KCNJ1: variants seen among roughly 807,000 people sequenced by gnomAD.
KCNJ1 encodes the protein potassium inwardly rectifying channel subfamily J member 1.
A neutral mutation model predicts 21.9 loss-of-function variants in KCNJ1; 24 were observed. The observed-to-expected ratio is 1.10, with a 90% CI of 0.79 to 1.54. KCNJ1 has a LOEUF of 1.54. KCNJ1 is among the 40% of genes most tolerant of loss of function. KCNJ1 has a pLI of 0.00. For synonymous variants in KCNJ1, 152 were observed against 160.9 expected (o/e 0.94, Z 0.42); for missense variants, 457 against 455.4 (o/e 1.00, Z -0.03).
At chr11:128,862,009 G>T (rs1251673047) in intron 1 of KCNJ1, among the ~76,000 whole-genome samples, 7 of 152,128 alleles carry the variant, frequency 4.6e-5, no homozygotes, top group African/African-American at 1.7e-4. Flanking sequence ...AGTGGCCGTG[G>T]TCATCCGCGT....
chr11:128,859,544 C>T (rs1444463595), intron 1 of KCNJ1, among the ~76,000 whole-genome samples: 1 of 152,236 alleles, frequency 6.6e-6, no homozygotes, highest in African/African-American at 2.4e-5. Context: ...CCACCGCTCC[C>T]GGACAGAACC....
At chr11:128,842,626 A>AT (rs1943303810) in intron 2 of KCNJ1, 1 of 1,084,864 alleles carries the variant, frequency 9.2e-7, no homozygotes, top group African/African-American at 1.6e-5. Context: ...CTGAATAGGT[A>AT]TTTTTTCTTT....
chr11:128,854,870 GA>G (rs1310721196), intron 1 of KCNJ1, among the ~76,000 whole-genome samples: 7 of 152,196 alleles, frequency 4.6e-5, no homozygotes, highest in Admixed American at 4.6e-4. Context: ...TTTGGGGAAA[GA>G]AACTGAAGCC....
In KCNJ1 at chr11:128,839,446, G is replaced by A. The variant is rs139777470; in HGVS notation, c.798C>T (p.Thr266=). 3 of 1,614,020 alleles carry A rather than the reference G, an allele frequency of 1.9e-6. No individual in the cohort carries two copies. Among genetic ancestry groups the A allele is most frequent in the East Asian group, 2.2e-5 (1 of 44,898 alleles). Residue 266 remains threonine, a synonymous_variant, in exon 3 of 3, where the codon ACC becomes ACT. Transcript: ENST00000392666. ...CTAATTCAAAGTCCTGCTGGAGAAG[G>A]GTCTCCGCTGCCATGTGGAAGAAAG... ...NSPFFHMAAE[T]LLQQDFELVV...
intron 1 of KCNJ1, among the ~76,000 whole-genome samples, chr11:128,863,825 C>A (rs1156322485): frequency 4.6e-5 from 7 of 152,196 alleles, no homozygotes; most frequent in Middle Eastern, 3.4e-3. Flanking sequence ...TGGTTTCTTT[C>A]TGCTATTTTT....
In KCNJ1 at chr11:128,857,793, G is replaced by A. The variant is rs116140543; in HGVS notation, c.-191-6903C>T. 6.5e-3 allele frequency among the ~76,000 whole-genome samples: 986 copies of A among 152,280 alleles called. 8 individuals carry two copies. The highest frequency in any genetic ancestry group is 0.023 in the African/African-American group (954 of 41,544). On this transcript the variant is annotated intron_variant, in intron 1 of 2. Transcript: ENST00000392666. The stretch of plus-strand genomic sequence containing the variant: ...GTGCAATGGCTCAGGATGCACCTGG[G>A]AGCATTGTCCCCATCTTGTCTTTTT...
intron 2 of KCNJ1, chr11:128,842,456 T>A: frequency 6.2e-7 from 1 of 1,613,622 alleles, no homozygotes; most frequent in Non-Finnish European, 8.5e-7. Context: ...GTTGTTGGTC[T>A]TTCTATGCAG....
chr11:128,838,996 G>T lies in KCNJ1; in HGVS notation c.*129C>A, dbSNP rs938738579. On this transcript the variant is annotated 3_prime_UTR_variant, in exon 3 of 3. Transcript: ENST00000392666. ...GGGATCACAATTGCGGGGCTCAGGG[G>T]TCTTTGTGCTGGTAGACTTTGAAGG... 36 of 786,298 alleles carry T rather than the reference G, an allele frequency of 4.6e-5. No homozygotes were observed. The African/African-American group carries it at 5.0e-4, about 11-fold the overall frequency. 48.7% of individuals were successfully genotyped at this position (786,298 alleles called of 1,614,324 possible).
intron 1 of KCNJ1, among the ~76,000 whole-genome samples, chr11:128,856,705 T>G (rs1476406952): frequency 6.6e-6 from 1 of 152,112 alleles, no homozygotes; most frequent in Non-Finnish European, 1.5e-5. Flanking sequence ...AAGCAAAACC[T>G]TGATTCACCC....
intron 1 of KCNJ1, chr11:128,866,508 G>A (rs932778371): frequency 4.2e-6 from 4 of 957,576 alleles, no homozygotes; most frequent in Non-Finnish European, 5.0e-6. Flanking sequence ...GATATTGGGA[G>A]AAGGGGCTCC....
chr11:128,842,907 A>C (rs1943311725), intron 2 of KCNJ1, among the ~76,000 whole-genome samples: 1 of 152,230 alleles, frequency 6.6e-6, no homozygotes, highest in South Asian at 2.1e-4. Flanking sequence ...TACAGACATA[A>C]GTACATATTT....
At chr11:128,847,272 C>T (rs561446976) in intron 2 of KCNJ1, among the ~76,000 whole-genome samples, 1 of 152,158 alleles carries the variant, frequency 6.6e-6, no homozygotes, top group Non-Finnish European at 1.5e-5. Context: ...TTCTCCATAG[C>T]TGCAAAAAGT....
intron 2 of KCNJ1, among the ~76,000 whole-genome samples, chr11:128,843,589 A>G (rs1943326142): frequency 6.6e-6 from 1 of 152,188 alleles, no homozygotes; most frequent in Admixed American, 6.5e-5. Context: ...TCCTGTTCTC[A>G]AGGAGTTCAT....
At chr11:128,856,834 G>T (rs1429004281) in intron 1 of KCNJ1, among the ~76,000 whole-genome samples, 1 of 151,954 alleles carries the variant, frequency 6.6e-6, no homozygotes, top group Non-Finnish European at 1.5e-5. Context: ...TGCTTGCCAG[G>T]CCACCATAAT....
chr11:128,862,693 C>T (rs1209486761), intron 1 of KCNJ1, among the ~76,000 whole-genome samples: 1 of 152,226 alleles, frequency 6.6e-6, no homozygotes, highest in Admixed American at 6.5e-5. Flanking sequence ...TTCACTAAGG[C>T]CAGCACAGCG....
chr11:128,861,894 A>G (rs1943715439), intron 1 of KCNJ1, among the ~76,000 whole-genome samples: 1 of 152,114 alleles, frequency 6.6e-6, no homozygotes, highest in Non-Finnish European at 1.5e-5. Flanking sequence ...TCTGGCCTTC[A>G]GTGAGGATGA....
chr11:128,843,789 A>G (rs1338225820), intron 2 of KCNJ1, among the ~76,000 whole-genome samples: 1 of 152,254 alleles, frequency 6.6e-6, no homozygotes, highest in Non-Finnish European at 1.5e-5. Flanking sequence ...TCACTATTCA[A>G]TGATGATATG....
chr11:128,866,143 C>T (rs779508392), intron 1 of KCNJ1, among the ~76,000 whole-genome samples: 2 of 152,166 alleles, frequency 1.3e-5, no homozygotes, highest in Non-Finnish European at 2.9e-5. Flanking sequence ...TAAGACAACA[C>T]AAGCCAAGCC....
chr11:128,839,030 C>T lies in KCNJ1; in HGVS notation c.*95G>A. 8.8e-7 allele frequency: 1 copy of T among 1,134,472 alleles called. No individual in the cohort carries two copies. The highest frequency in any genetic ancestry group is 1.3e-6 in the Non-Finnish European group (1 of 772,464). 70.3% of individuals were successfully genotyped at this position (1,134,472 alleles called of 1,614,324 possible). A position where few individuals can be genotyped will look rare whatever the true frequency, so the allele number is the denominator to read the frequency against. Reference sequence around the variant, plus strand: ...CTGGTAGACTTTGAAGGCTCTCATCCTACTTTCGTACCCCTAAATTGTTGA... The same window carrying T: ...CTGGTAGACTTTGAAGGCTCTCATCTTACTTTCGTACCCCTAAATTGTTGA... On this transcript the variant is annotated 3_prime_UTR_variant, in exon 3 of 3. Coordinates refer to ENST00000392666, the MANE Select transcript of KCNJ1 (RefSeq NM_153766.3).
Sources: gnomAD v4.1 joint callset for allele counts (sites outside exome capture counted in the v4.1 genomes callset) on GRCh38, gnomAD v4.1.1 for gene constraint, MANE v1.5 for transcripts, NCBI Gene and HGNC (gene_info 2026-07-23, HGNC 2026-07-21) for gene names.